SIRPB2: variants seen among roughly 807,000 people sequenced by gnomAD.
The protein encoded by SIRPB2 is signal-regulatory protein beta-2.
SIRPB2 carries 18 observed loss-of-function variants against 27.1 expected under a neutral mutation model. That is an observed-to-expected ratio of 0.66 (90% CI 0.46 to 0.98). The LOEUF (loss-of-function observed/expected upper bound fraction) is 0.98, where lower values mean the gene tolerates loss of function less well. Among genes scored for constraint, SIRPB2 ranks in the 50% least tolerant of loss-of-function variants. The probability of loss-of-function intolerance (pLI) is 0.00; values close to 1 mark genes in which losing one functional copy is unlikely to be tolerated. For missense variants in SIRPB2, 420 were observed against 417.4 expected, an observed-to-expected ratio of 1.01 and a Z score of -0.06; for synonymous variants, 150 against 164.6, an observed-to-expected ratio of 0.91 and a Z score of 0.68.
downstream of SIRPB2, among the ~76,000 whole-genome samples, chr20:1,471,771 T>C (rs1445723641): frequency 6.6e-6 from 1 of 152,174 alleles, no homozygotes; most frequent in Admixed American, 6.5e-5. Context: ...AGGAAGCCCC[T>C]GTCAAATGGT....
At chr20:1,481,748 A>G (rs899897002) in intron 1 of SIRPB2, among the ~76,000 whole-genome samples, 1 of 152,148 alleles carries the variant, frequency 6.6e-6, no homozygotes, top group Non-Finnish European at 1.5e-5. Flanking sequence ...GTTGAATCCT[A>G]GGGATTGCTT....
At chr20:1,476,982 C>G in intron 4 of SIRPB2, 1 of 1,231,424 alleles carries the variant, frequency 8.1e-7, no homozygotes, top group Non-Finnish European at 1.0e-6. Flanking sequence ...GCCCATTACA[C>G]TAGGAAGGGG....
At chr20:1,479,244 T>G in intron 2 of SIRPB2, 1 of 176,992 alleles carries the variant, frequency 5.6e-6, no homozygotes, top group Admixed American at 5.4e-5. Flanking sequence ...ACTTGGGGAG[T>G]GTGGTAGATG....
intron 4 of SIRPB2, chr20:1,476,825 C>G: frequency 9.4e-7 from 1 of 1,066,908 alleles, no homozygotes; most frequent in Non-Finnish European, 1.1e-6. Flanking sequence ...TGAATGTTAA[C>G]ATGAGATGTG....
In SIRPB2 at chr20:1,480,018, CG is replaced by C. The variant is rs1568645638; in HGVS notation, c.132del (p.Glu45ArgfsTer14). The C allele has an allele frequency of 6.2e-7, 1 of 1,613,660 alleles. No homozygotes were observed. The highest frequency in any genetic ancestry group is 1.3e-5 in the African/African-American group (1 of 74,922). On this transcript the variant is annotated frameshift_variant, in exon 2 of 5. Transcript: ENST00000359801. LOFTEE classifies it high-confidence loss of function. The stretch of plus-strand genomic sequence containing the variant: ...CCTTCTGCCACCAGCATGGGGCCCT[CG>C]GGCTGTAGCACCTGCCAGTCATTCC... ...SSRNDWQVLQ[P>X]EGPMLVAEGE... is the part of the protein sequence containing the mutation.
Position 1,476,000 on chromosome 20 carries a change from G to A in SIRPB2, c.*167C>T, listed in dbSNP as rs145116087. On this transcript the variant is annotated 3_prime_UTR_variant, in exon 5 of 5. Transcript: ENST00000359801. Reference sequence around the variant, plus strand: ...AGGGAGACATTTTAGAGGGAAGCCCGGTGCAAAGAAGGGAATTTCACTAGG... The same window carrying A: ...AGGGAGACATTTTAGAGGGAAGCCCAGTGCAAAGAAGGGAATTTCACTAGG... 1.9e-5 allele frequency: 13 copies of A among 691,804 alleles called. No homozygotes were observed. Among genetic ancestry groups the A allele is most frequent in the East Asian group, 2.9e-5 (1 of 35,006 alleles). 42.9% of individuals were successfully genotyped at this position (691,804 alleles called of 1,614,324 possible).
In SIRPB2 at chr20:1,491,343, G is replaced by T; in HGVS notation, c.17C>A (p.Ser6Ter). 6.2e-7 allele frequency: 1 copy of T among 1,609,512 alleles called. No individual in the cohort carries two copies. The highest frequency in any genetic ancestry group is 1.3e-5 in the African/African-American group (1 of 74,772). MCSTM[S>*]APTCLAHLPP... The stretch of plus-strand genomic sequence containing the variant: ...CAAGTGGGCCAGGCAGGTGGGGGCC[G>T]ACATCGTGGAGCACATGGCATCTTC... The change falls in exon 1 of 5, where the codon TCG (serine) becomes TAG (stop). Residue 6 changes from serine to a stop codon, truncating the protein, a stop_gained. Transcript: ENST00000359801. LOFTEE classifies it high-confidence loss of function.
At chr20:1,481,686 G>A (rs1053110349) in intron 1 of SIRPB2, among the ~76,000 whole-genome samples, 4 of 152,120 alleles carry the variant, frequency 2.6e-5, no homozygotes, top group Non-Finnish European at 5.9e-5. Flanking sequence ...GGCATGTGCT[G>A]TTAACCACCA....
rs2090654922 is a variant in SIRPB2 at position 1,480,054 on chromosome 20, G to T, written c.97C>A (p.Gln33Lys). The change falls in exon 2 of 5, where the codon CAG (glutamine) becomes AAG (lysine). Residue 33 changes from glutamine (Q) to lysine (K), a missense_variant. Gln to Lys is a moderately conservative substitution (Grantham distance 53). Coordinates refer to ENST00000359801, the MANE Select transcript of SIRPB2 (RefSeq NM_001122962.2). ...LVLVPSDASG[Q>K]SSRNDWQVLQ... ...ACCTGCCAGTCATTCCTGCTGCTCT[G>T]CCCAGAGGCATCTACAAAAGAGGAA... 5 of 1,606,576 alleles carry T rather than the reference G, an allele frequency of 3.1e-6. No homozygotes were observed. Among genetic ancestry groups the T allele is most frequent in the Non-Finnish European group, 4.3e-6 (5 of 1,176,366 alleles).
rs191697128 is a variant in SIRPB2 at position 1,481,170 on chromosome 20, T to C, written c.86-1105A>G. On this transcript the variant is annotated intron_variant, in intron 1 of 4. Coordinates refer to ENST00000359801, the MANE Select transcript of SIRPB2 (RefSeq NM_001122962.2). The stretch of plus-strand genomic sequence containing the variant: ...TCAATTTTAAAAACTTCCCCATTTA[T>C]TATTTATTTATTTTTTAATTTTTTT... Among the ~76,000 whole-genome samples, 26 of 152,250 alleles carry C rather than the reference T, an allele frequency of 1.7e-4. No individual in the cohort carries two copies. In the East Asian group the frequency reaches 4.2e-3, roughly 25 times the overall value.
Position 1,478,659 on chromosome 20 carries a change from C to T in SIRPB2, c.452-52G>A, listed in dbSNP as rs747571659. 17 of 1,412,986 alleles carry T rather than the reference C, an allele frequency of 1.2e-5. No homozygotes were observed. In the African/African-American group the frequency reaches 2.0e-4, roughly 17 times the overall value. The allele number at this position is 1,412,986 out of a possible 1,614,324, so 87.5% of individuals were successfully genotyped here. Reference sequence around the variant, plus strand: ...GAATTCCCTCTCCTCTTCCATCGTTCACTCATTTCCTACCTGGTGTTTTCC... The same window carrying T: ...GAATTCCCTCTCCTCTTCCATCGTTTACTCATTTCCTACCTGGTGTTTTCC... On this transcript the variant is annotated intron_variant, in intron 2 of 4. Transcript: ENST00000359801.
chr20:1,473,872 T>C (rs1375316617), downstream of SIRPB2: 5 of 455,784 alleles, frequency 1.1e-5, no homozygotes, highest in Non-Finnish European at 2.2e-5. Flanking sequence ...ACTGCAAACC[T>C]GATAATTTAA....
At position 1,485,672 on chromosome 20, in the gene SIRPB2, C is replaced by CACACAG. The variant is rs1309151106; in HGVS notation, c.85+5602_85+5603insCTGTGT. On this transcript the variant is annotated intron_variant, in intron 1 of 4. Coordinates refer to ENST00000359801, the MANE Select transcript of SIRPB2 (RefSeq NM_001122962.2). Reference sequence around the variant, plus strand: ...CACACACCACACACACACACACACACAGAAAAAATCAATGAGAAGAAGAAA... The same window carrying CACACAG: ...CACACACCACACACACACACACACACACACAGAGAAAAAATCAATGAGAAGAAGAAA... Among the ~76,000 whole-genome samples the CACACAG allele has an allele frequency of 4.6e-3, 699 of 151,054 alleles. 2 individuals are homozygous for CACACAG. Among genetic ancestry groups the CACACAG allele is most frequent in the African/African-American group, 0.016 (671 of 41,074 alleles).
At chr20:1,478,186 G>A (rs535431108) in intron 3 of SIRPB2, 80 bp downstream of exon 3, 1 of 1,312,836 alleles carries the variant, frequency 7.6e-7, no homozygotes, top group South Asian at 1.2e-5. Flanking sequence ...GTGAAGAACT[G>A]GCTTGTTCGG....
chr20:1,478,904 C>T (rs1333175996), intron 2 of SIRPB2, among the ~76,000 whole-genome samples: 1 of 152,178 alleles, frequency 6.6e-6, no homozygotes, highest in Non-Finnish European at 1.5e-5. Context: ...GGCGGAAACC[C>T]AGAAGATGGC....
At chr20:1,478,655 C>T (rs377563796) in intron 2 of SIRPB2, 48 bp from the exon 3 acceptor site, 80 of 1,441,484 alleles carry the variant, frequency 5.5e-5, no homozygotes, top group Admixed American at 9.6e-5. Flanking sequence ...CCTCTTCCAT[C>T]GTTCACTCAT....
At chr20:1,483,724 T>C (rs1304117081) in intron 1 of SIRPB2, among the ~76,000 whole-genome samples, 1 of 152,208 alleles carries the variant, frequency 6.6e-6, no homozygotes, top group African/African-American at 2.4e-5. Flanking sequence ...CTTCACTCTT[T>C]TGATTATTTT....
chr20:1,490,202 G>C (rs1277944955), intron 1 of SIRPB2, among the ~76,000 whole-genome samples: 1 of 152,202 alleles, frequency 6.6e-6, no homozygotes, highest in African/African-American at 2.4e-5. Flanking sequence ...TCACATCTTA[G>C]AATTGAGGAA....
At chr20:1,473,889 A>G (rs781246007), downstream of SIRPB2, 20 of 456,092 alleles carry the variant, frequency 4.4e-5, no homozygotes, top group Non-Finnish European at 7.5e-5. Context: ...TTAAAACAAC[A>G]GAAATTTATT....
Sources: allele counts gnomAD v4.1 joint callset (sites outside exome capture counted in the v4.1 genomes callset), GRCh38; gene constraint gnomAD v4.1.1; transcripts MANE v1.5; gene names NCBI Gene and HGNC (gene_info 2026-07-23, HGNC 2026-07-21).